The following AGRN variants were observed in gnomAD, a reference collection of about 807,000 sequenced individuals.
AGRN encodes the protein agrin proteoglycan.
AGRN carries 106 observed loss-of-function variants against 211.0 expected under a neutral mutation model. That is an observed-to-expected ratio of 0.50 (90% CI 0.43 to 0.59). AGRN has a LOEUF of 0.59. AGRN is among the 20% of genes least tolerant of loss of function. The probability of loss-of-function intolerance (pLI) is 0.00; values close to 1 mark genes in which losing one functional copy is unlikely to be tolerated. For synonymous variants in AGRN, 1,525 were observed against 1,332.5 expected, an observed-to-expected ratio of 1.14 and a Z score of -3.15; for missense variants, 3,040 against 2,982.6, an observed-to-expected ratio of 1.02 and a Z score of -0.45.
At position 1,049,891 on chromosome 1, in the gene AGRN, TCCTC is replaced by T. The variant is rs1185697170; in HGVS notation, c.4745-10_4745-7del. The T allele has an allele frequency of 1.2e-6, 2 of 1,609,350 alleles. No homozygotes were observed. Among genetic ancestry groups the T allele is most frequent in the African/African-American group, 1.4e-5 (1 of 73,604 alleles). On this transcript the variant is annotated splice_polypyrimidine_tract_variant and splice_region_variant and intron_variant, in intron 26 of 35. Transcript: ENST00000379370. ...TGGGACCTCGGTCCCGGTCCCGTCT[TCCTC>T]CATCCAGGACCAACCTGTGCCGATG...
chr1:1,048,388 A>G lies in AGRN; in HGVS notation c.4105+23A>G. The G allele has an allele frequency of 9.4e-7, 1 of 1,068,464 alleles. No homozygotes were observed. The allele number at this position is 1,068,464 out of a possible 1,614,324, so 66.2% of individuals were successfully genotyped here. On this transcript the variant is annotated intron_variant, in intron 23 of 35. Coordinates refer to ENST00000379370, the MANE Select transcript of AGRN (RefSeq NM_198576.4). The surrounding 1 kb of genome is among the most constrained non-coding windows in gnomAD (Gnocchi z 5.9). ...AGGGTAAGGATGTCCACTGCAGAGG[A>G]GGGCGGGGAGGCAGCAGGGTGGGGG...
chr1:1,055,115 G>A lies in AGRN; in HGVS notation c.*134G>A, dbSNP rs552381784. On this transcript the variant is annotated 3_prime_UTR_variant, in exon 36 of 36. Coordinates refer to ENST00000379370, the MANE Select transcript of AGRN (RefSeq NM_198576.4). The stretch of plus-strand genomic sequence containing the variant: ...CGGCCTCCCTTCCGTCCAGGCAGCC[G>A]TGCTGCAGACAGACCTAGTGCCGAG... The A allele has an allele frequency of 2.8e-4, 388 of 1,409,412 alleles. 3 individuals carry two copies. The South Asian group carries it at 3.4e-3, about 12-fold the overall frequency. The allele number at this position is 1,409,412 out of a possible 1,614,324, so 87.3% of individuals were successfully genotyped here.
chr1:1,049,111 C>CGGGGGGGGGGAGGGGG, intron 24 of AGRN, 52 bp downstream of exon 24: 1 of 342,410 alleles, frequency 2.9e-6, no homozygotes, highest in African/African-American at 7.4e-5. Flanking sequence ...GGGGAGGGGA[C>CGGGGGGGGGGAGGGGG]GGGCGGGGGA....
At chr1:1,052,026 G>A in intron 33 of AGRN, 1 of 1,517,486 alleles carries the variant, frequency 6.6e-7, no homozygotes. Context: ...TGTGAGTAGA[G>A]CTCGGCGCCC....
chr1:1,036,649 C>A (rs1644811044), intron 3 of AGRN, among the ~76,000 whole-genome samples: 1 of 152,084 alleles, frequency 6.6e-6, no homozygotes, highest in Non-Finnish European at 1.5e-5. Context: ...CCCGTCCTAC[C>A]CCTGGGCTCT....
chr1:1,043,621 G>T lies in AGRN; in HGVS notation c.1687G>T (p.Ala563Ser), dbSNP rs1428747727. 6.2e-7 allele frequency: 1 copy of T among 1,604,138 alleles called. No individual in the cohort carries two copies. The highest frequency in any genetic ancestry group is 1.1e-5 in the South Asian group (1 of 91,060). Residue 563 changes from alanine to serine, a missense_variant, in exon 9 of 36, where the codon GCC (alanine) becomes TCC (serine). Transcript: ENST00000379370. The part of the protein sequence containing the change: ...CVCPSECVAL[A>S]QPVCGSDGHT... Reference sequence around the variant, plus strand: ...GTGCCCCTCTGAATGCGTGGCTTTGGCCCAGCCCGTGTGTGGCTCCGACGG... The same window carrying T: ...GTGCCCCTCTGAATGCGTGGCTTTGTCCCAGCCCGTGTGTGGCTCCGACGG...
chr1:1,043,796 A>T, intron 9 of AGRN, 27 bp from the exon 10 acceptor site: 1 of 1,608,186 alleles, frequency 6.2e-7, no homozygotes, highest in Non-Finnish European at 8.5e-7. Context: ...GGGCCTGCCG[A>T]CCCCTGCCTG....
intron 1 of AGRN, among the ~76,000 whole-genome samples, chr1:1,020,593 CCCT>C (rs1247715349): frequency 1.3e-5 from 2 of 152,146 alleles, no homozygotes; most frequent in Non-Finnish European, 2.9e-5. Context: ...GCCGCCGCCT[CCCT>C]CCTCGCGGAG....
At chr1:1,045,608 G>C (rs1645069159) in intron 14 of AGRN, 85 bp downstream of exon 14, 1 of 1,605,362 alleles carries the variant, frequency 6.2e-7, no homozygotes. Context: ...CACCTGCCCA[G>C]GCCCTGGCCT....
At position 1,045,847 on chromosome 1, in the gene AGRN, G is replaced by A. The variant is rs369686860; in HGVS notation, c.2651G>A (p.Arg884His). 70 of 1,611,474 alleles carry A rather than the reference G, an allele frequency of 4.3e-5. No homozygotes were observed. The highest frequency in any genetic ancestry group is 1.8e-4 in the Admixed American group (11 of 59,978). ...GPKCGQCPDG[R>H]ALGPAGCEAD... is the part of the protein sequence containing the mutation. ...AAGTGTGGGCAGTGTCCAGACGGCC[G>A]TGCCCTGGGCCCCGCGGGCTGTGAA... Residue 884 changes from arginine (R) to histidine (H), a missense_variant, in exon 15 of 36, where the codon CGT becomes CAT. Arg to His is a conservative substitution (Grantham distance 29, BLOSUM62 0). Coordinates refer to ENST00000379370, the MANE Select transcript of AGRN (RefSeq NM_198576.4).
At chr1:1,040,561 G>C (rs1644902540) in intron 3 of AGRN, 104 bp from the exon 4 acceptor site, 1 of 1,368,706 alleles carries the variant, frequency 7.3e-7, no homozygotes, top group Non-Finnish European at 1.0e-6. Context: ...TGCGGCGCGG[G>C]GGCGGGTGAA....
intron 33 of AGRN, chr1:1,052,832 CGAGT>C (rs1243820491): frequency 1.6e-5 from 2 of 128,484 alleles, no homozygotes; most frequent in African/African-American, 6.2e-5. Context: ...GGTGTGTGTC[CGAGT>C]GTGTGTCCAT....
chr1:1,054,347 C>A, intron 34 of AGRN, 101 bp from the exon 35 acceptor site: 2 of 1,136,720 alleles, frequency 1.8e-6, no homozygotes, highest in Admixed American at 2.0e-5. Flanking sequence ...GTTCTCCAGG[C>A]TGAGGCACCT....
chr1:1,054,524 C>G lies in AGRN; in HGVS notation c.5953C>G (p.Leu1985Val). The change falls in exon 35 of 36, where the codon CTG (leucine) becomes GTG (valine). Residue 1985 changes from leucine to valine, a missense_variant. Physicochemically the swap from Leu to Val is conservative, Grantham distance 32 (BLOSUM62 1). This residue lies in a region of AGRN where 1,537 missense variants were observed against 1,505.0 expected (regional missense o/e 1.02). Transcript: ENST00000379370. The stretch of plus-strand genomic sequence containing the variant: ...CTCCTCCCCGCTGGGCGCCACGCAG[C>G]TGGACACTGATGGAGCCCTGTGGCT... ...TGSSPLGATQ[L>V]DTDGALWLGG... 6.2e-7 allele frequency: 1 copy of G among 1,602,310 alleles called. No individual in the cohort carries two copies.
chr1:1,040,341 G>A (rs1311990889), intron 3 of AGRN, among the ~76,000 whole-genome samples: 1 of 152,216 alleles, frequency 6.6e-6, no homozygotes, highest in Non-Finnish European at 1.5e-5. Context: ...AGGTGGGTGG[G>A]AAGTGGGTGC....
Position 1,048,176 on chromosome 1 carries a change from A to G in AGRN, c.3916A>G (p.Thr1306Ala). The change falls in exon 23 of 36, where the codon ACC becomes GCC. Residue 1306 changes from threonine (T) to alanine (A), a missense_variant. By Grantham distance (58) the Thr-to-Ala change is moderately conservative. Transcript: ENST00000379370. This position sits in a 1 kb window ranked among gnomAD's most constrained non-coding sequence, Gnocchi z 5.9. ...QPVAKTTAAPTTRRPPTTAPS... is the reference protein window; with the variant it reads ...QPVAKTTAAPATRRPPTTAPS... ...CGTTGCCAAGACCACGGCAGCCCCC[A>G]CCACACGTCGGCCCCCCACCACTGC... 2 of 1,573,640 alleles carry G rather than the reference A, an allele frequency of 1.3e-6. No homozygotes were observed. The highest frequency in any genetic ancestry group is 1.7e-6 in the Non-Finnish European group (2 of 1,165,532).
chr1:1,035,679 C>T lies in AGRN; in HGVS notation c.511+355C>T, dbSNP rs141085652. Among the ~76,000 whole-genome samples, 19 of 152,334 alleles carry T rather than the reference C, an allele frequency of 1.2e-4. 1 individual carries two copies. The East Asian group carries it at 3.5e-3, about 28-fold the overall frequency. ...GCTCCGCTCTATTGTCCTCCCTTCT[C>T]CCTGTTCAGCAAGGGGTGGGGCTGG... On this transcript the variant is annotated intron_variant, in intron 3 of 35. Coordinates refer to ENST00000379370, the MANE Select transcript of AGRN (RefSeq NM_198576.4).
At position 1,041,378 on chromosome 1, in the gene AGRN, G is replaced by A. The variant is rs781177256; in HGVS notation, c.933G>A (p.Lys311=). ...GCGCCCGCCAGGAGAATGTCTTCAA[G>A]AAGTTCGACGGCCCTTGTGGTGAGC... The part of the protein sequence containing the change: ...RACARQENVF[K]KFDGPCDPCQ... The change falls in exon 5 of 36, where the codon AAG becomes AAA. Residue 311 remains lysine, a synonymous_variant. Transcript: ENST00000379370. The A allele has an allele frequency of 1.6e-5, 24 of 1,541,450 alleles. No homozygotes were observed. Among genetic ancestry groups the A allele is most frequent in the Non-Finnish European group, 1.9e-5 (22 of 1,150,684 alleles).
rs375639071 is a variant in AGRN at position 1,048,350 on chromosome 1, G to A, written c.4090G>A (p.Ala1364Thr). 5.8e-5 allele frequency: 85 copies of A among 1,466,072 alleles called. No individual in the cohort carries two copies. The highest frequency in any genetic ancestry group is 6.3e-5 in the Non-Finnish European group (70 of 1,105,940). The allele number at this position is 1,466,072 out of a possible 1,614,324, so 90.8% of individuals were successfully genotyped here. Reference sequence around the variant, plus strand: ...CAGCTGCCCGGCAGGCAGGGGAGGCGCCGTCTGTGAGAAGGGTAAGGATGT... The same window carrying A: ...CAGCTGCCCGGCAGGCAGGGGAGGCACCGTCTGTGAGAAGGGTAAGGATGT... ...TCSCPAGRGG[A>T]VCEKVLGAPV... Residue 1364 changes from alanine (A) to threonine (T), a missense_variant, in exon 23 of 36, where the codon GCC becomes ACC. Around this residue, in one of 3 missense-constraint regions of AGRN, gnomAD observed 1,537 missense variants for 1,505.0 expected, o/e 1.02. Coordinates refer to ENST00000379370, the MANE Select transcript of AGRN (RefSeq NM_198576.4). This position sits in a 1 kb window ranked among gnomAD's most constrained non-coding sequence, Gnocchi z 5.9.
Sources: gnomAD v4.1 joint callset for allele counts (sites outside exome capture counted in the v4.1 genomes callset) on GRCh38, gnomAD v4.1.1 for gene constraint, gnomAD v4.1.1 regional missense constraint, Gnocchi (gnomAD v3.1) non-coding constraint, MANE v1.5 for transcripts, NCBI Gene and HGNC (gene_info 2026-07-23, HGNC 2026-07-21) for gene names.